Variants in MAD1L1 observed in about 807,000 individuals in gnomAD.
MAD1L1 encodes mitotic spindle assembly checkpoint protein MAD1.
Under a neutral mutation model 96.9 loss-of-function variants are expected in MAD1L1, and 95 were observed. The observed-to-expected ratio is 0.98, with a 90% CI of 0.83 to 1.16. The LOEUF is 1.16. Among genes scored for constraint, MAD1L1 ranks in the 50% most tolerant of loss-of-function variants. The pLI is 0.00. For missense variants in MAD1L1, 1,007 were observed against 954.4 expected (o/e 1.06, Z -0.73); for synonymous variants, 473 against 396.6 (o/e 1.19, Z -2.29).
At position 2,180,276 on chromosome 7, in the gene MAD1L1, A is replaced by G. The variant is rs114132333; in HGVS notation, c.987-31038T>C. 8.3e-3 allele frequency among the ~76,000 whole-genome samples: 1,271 copies of G among 152,344 alleles called. 19 individuals are homozygous for G. Among genetic ancestry groups the G allele is most frequent in the African/African-American group, 0.029 (1,194 of 41,582 alleles). ...GCTCACCTTGAAGCTCTGAGCAAGC[A>G]GGAAATGAGGGCAAAGGCAGAGTGG... is the stretch of plus-strand genomic sequence containing the variant. On this transcript the variant is annotated intron_variant, in intron 10 of 18. Coordinates refer to ENST00000265854, the MANE Select transcript of MAD1L1 (RefSeq NM_001013836.2).
chr7:1,843,721 C>T (rs1256733239), intron 18 of MAD1L1, among the ~76,000 whole-genome samples: 1 of 152,196 alleles, frequency 6.6e-6, no homozygotes. Flanking sequence ...CACTTTGTCC[C>T]AGCTCCGTCT....
At chr7:2,123,625 G>A (rs1788086977) in intron 11 of MAD1L1, among the ~76,000 whole-genome samples, 1 of 152,204 alleles carries the variant, frequency 6.6e-6, no homozygotes, top group African/African-American at 2.4e-5. Flanking sequence ...ATCCGCTGGA[G>A]GGCAGCAGCC....
chr7:1,996,404 C>G (rs1411556137), intron 14 of MAD1L1, among the ~76,000 whole-genome samples: 1 of 152,218 alleles, frequency 6.6e-6, no homozygotes, highest in Admixed American at 6.5e-5. Context: ...CGCCGGTGTC[C>G]TCAGCCTCCC....
At chr7:2,145,985 G>C (rs1789277630) in intron 11 of MAD1L1, among the ~76,000 whole-genome samples, 1 of 152,232 alleles carries the variant, frequency 6.6e-6, no homozygotes, top group Non-Finnish European at 1.5e-5. Context: ...AGGGCGCTCT[G>C]TTCCGCACAT....
intron 10 of MAD1L1, among the ~76,000 whole-genome samples, chr7:2,166,820 C>T (rs1790451814): frequency 6.6e-6 from 1 of 152,186 alleles, no homozygotes; most frequent in Admixed American, 6.5e-5. Flanking sequence ...TCATGCCAGG[C>T]GAACCCAGTG....
intron 17 of MAD1L1, among the ~76,000 whole-genome samples, chr7:1,915,377 G>C (rs1788314566): frequency 6.6e-6 from 1 of 152,228 alleles, no homozygotes; most frequent in South Asian, 2.1e-4. Flanking sequence ...CTGGGAAGGA[G>C]ACCTGGGGCA....
intron 18 of MAD1L1, among the ~76,000 whole-genome samples, chr7:1,819,110 C>A (rs1781988725): frequency 6.6e-6 from 1 of 152,192 alleles, no homozygotes; most frequent in African/African-American, 2.4e-5. Flanking sequence ...CCATCTCTGC[C>A]ATCGCTGCTC....
intron 15 of MAD1L1, among the ~76,000 whole-genome samples, chr7:1,963,100 A>C (rs1225326098): frequency 6.6e-6 from 1 of 152,244 alleles, no homozygotes; most frequent in Non-Finnish European, 1.5e-5. Context: ...CTAGGCGTTT[A>C]CCTGAAAGAA....
intron 2 of MAD1L1, 137 bp from the exon 3 acceptor site, chr7:2,230,280 A>G (rs1794128547): frequency 5.1e-6 from 3 of 590,290 alleles, no homozygotes; most frequent in Non-Finnish European, 5.8e-6. Context: ...CTGTAACCAC[A>G]TTCTTCAATG....
intron 10 of MAD1L1, among the ~76,000 whole-genome samples, chr7:2,187,239 C>T (rs1791505248): frequency 2.0e-5 from 3 of 152,014 alleles, no homozygotes; most frequent in Non-Finnish European, 4.4e-5. Context: ...GTCCCAGCTA[C>T]TGGGGAGGCT....
chr7:1,893,067 A>G (rs1449778293), intron 18 of MAD1L1, among the ~76,000 whole-genome samples: 12 of 152,200 alleles, frequency 7.9e-5, no homozygotes, highest in African/African-American at 2.9e-4. Context: ...AGGCCCAGGC[A>G]GAGTATGGCC....
chr7:1,869,637 C>G (rs1471132796), intron 18 of MAD1L1, among the ~76,000 whole-genome samples: 1 of 152,210 alleles, frequency 6.6e-6, no homozygotes, highest in Admixed American at 6.5e-5. Flanking sequence ...CCATCCATCT[C>G]CAGCTGCCGA....
intron 18 of MAD1L1, among the ~76,000 whole-genome samples, chr7:1,833,638 A>C (rs1287250035): frequency 1.3e-5 from 2 of 152,266 alleles, no homozygotes; most frequent in Non-Finnish European, 2.9e-5. Flanking sequence ...GATGGACCTT[A>C]AAACAAATTT....
rs567071332 is a variant in MAD1L1, at chr7:2,127,256, G to T, written c.1073+21896C>A. The stretch of plus-strand genomic sequence containing the variant: ...CCGCCCTCCCCTACTTATGACAAGG[G>T]GGAGATGGACGAAAATCTGAAGTGA... On this transcript the variant is annotated intron_variant, in intron 11 of 18. Transcript: ENST00000265854. Among the ~76,000 whole-genome samples the T allele has an allele frequency of 5.6e-4, 86 of 152,306 alleles. 1 individual carries two copies. The highest frequency in any genetic ancestry group is 1.1e-3 in the Non-Finnish European group (73 of 68,032).
intron 18 of MAD1L1, among the ~76,000 whole-genome samples, chr7:1,871,365 T>G (rs1210797839): frequency 3.1e-5 from 1 of 32,484 alleles, no homozygotes; most frequent in African/African-American, 1.1e-4. Flanking sequence ...ACCCAACATA[T>G]GCCTGCCACG....
chr7:1,818,183 G>T (rs116004591), intron 18 of MAD1L1, among the ~76,000 whole-genome samples: 9,307 of 152,146 alleles, frequency 0.061, 922 homozygotes, highest in African/African-American at 0.21. Flanking sequence ...CTGCCGGGCA[G>T]GGGTGGGGAG....
chr7:2,140,449 G>A (rs916149106), intron 11 of MAD1L1, among the ~76,000 whole-genome samples: 2 of 152,258 alleles, frequency 1.3e-5, no homozygotes, highest in Non-Finnish European at 2.9e-5. Context: ...AGCCGCAGCC[G>A]CAAAGCCGGG....
At chr7:2,139,439 ATGCCCCCAGGGCCACAGCCC>A (rs1289497420) in intron 11 of MAD1L1, among the ~76,000 whole-genome samples, 1 of 152,140 alleles carries the variant, frequency 6.6e-6, no homozygotes, top group Non-Finnish European at 1.5e-5. Flanking sequence ...TCCCCCAGCC[ATGCCCCCAGGGCCACAGCCC>A]TGAGCTCTGT....
At chr7:1,935,927 C>G (rs1014861528) in intron 17 of MAD1L1, among the ~76,000 whole-genome samples, 8 of 152,256 alleles carry the variant, frequency 5.3e-5, no homozygotes, top group African/African-American at 1.9e-4. Flanking sequence ...AAGGGCTGGA[C>G]AGGGAACCCT....
Sources: gnomAD v4.1 joint callset for allele counts (sites outside exome capture counted in the v4.1 genomes callset) on GRCh38, gnomAD v4.1.1 for gene constraint, MANE v1.5 for transcripts, NCBI Gene and HGNC (gene_info 2026-07-23, HGNC 2026-07-21) for gene names.